Variants in RAB3IP observed in about 807,000 individuals in gnomAD.
The protein encoded by RAB3IP is rab-3A-interacting protein.
Under a neutral mutation model 59.1 loss-of-function variants are expected in RAB3IP, and 36 were observed. The observed-to-expected ratio is 0.61, with a 90% CI of 0.47 to 0.80. RAB3IP has a LOEUF of 0.80. RAB3IP is among the 30% of genes least tolerant of loss of function. The probability of loss-of-function intolerance (pLI) is 0.00; values close to 1 mark genes in which losing one functional copy is unlikely to be tolerated. For synonymous variants in RAB3IP, 207 were observed against 191.2 expected (o/e 1.08, Z -0.68); for missense variants, 511 against 536.0 (o/e 0.95, Z 0.46).
At position 69,815,579 on chromosome 12, in the gene RAB3IP, G is replaced by A; in HGVS notation, c.*133G>A. On this transcript the variant is annotated 3_prime_UTR_variant, in exon 11 of 11. Transcript: ENST00000247833. ...CCCCTTTTGCAAATTGCTCTAAGAA[G>A]TACCATGATTTCTTTTAAACTGATC... The A allele has an allele frequency of 1.7e-6, 1 of 603,922 alleles. No individual in the cohort carries two copies. Among genetic ancestry groups the A allele is most frequent in the Non-Finnish European group, 2.9e-6 (1 of 343,336 alleles). The allele number at this position is 603,922 out of a possible 1,614,324, so 37.4% of individuals were successfully genotyped here. A position where few individuals can be genotyped will look rare whatever the true frequency, so the allele number is the denominator to read the frequency against.
chr12:69,753,373 A>AT (rs1435702321), intron 1 of RAB3IP, among the ~76,000 whole-genome samples: 1 of 151,736 alleles, frequency 6.6e-6, no homozygotes, highest in Non-Finnish European at 1.5e-5. Context: ...TTTTATTTTT[A>AT]TTTTTTGAGT....
Position 69,739,010 on chromosome 12 carries a change from G to A in RAB3IP, c.-47G>A, listed in dbSNP as rs1436092210. 6.6e-6 allele frequency: 1 copy of A among 152,114 alleles called. No individual in the cohort carries two copies. The highest frequency in any genetic ancestry group is 1.9e-4 in the East Asian group (1 of 5,184). The allele number at this position is 152,114 out of a possible 1,614,324, so 9.4% of individuals were successfully genotyped here. The stretch of plus-strand genomic sequence containing the variant: ...CTGTGAGCGCCCCTGAGCGCCGGCA[G>A]CGGCCGCGGTGGGTTCTTCAGGTGA... On this transcript the variant is annotated 5_prime_UTR_variant, in exon 1 of 11. Transcript: ENST00000247833.
chr12:69,814,484 G>C (rs189607070), intron 10 of RAB3IP, among the ~76,000 whole-genome samples: 1 of 152,138 alleles, frequency 6.6e-6, no homozygotes, highest in Non-Finnish European at 1.5e-5. Context: ...TCTCGACCTT[G>C]GTACTAGTGA....
chr12:69,788,171 A>G lies in RAB3IP; in HGVS notation c.606+3356A>G, dbSNP rs536706222. 2.0e-5 allele frequency among the ~76,000 whole-genome samples: 3 copies of G among 152,220 alleles called. No individual in the cohort carries two copies. The South Asian group carries it at 6.2e-4, about 32-fold the overall frequency. On this transcript the variant is annotated intron_variant, in intron 4 of 10. Coordinates refer to ENST00000247833, the MANE Select transcript of RAB3IP (RefSeq NM_022456.5). ...AATACTGCTGATAACTCACACATCT[A>G]TTGGTCTAATATAAGATACATCTTT... is the stretch of plus-strand genomic sequence containing the variant.
chr12:69,808,367 G>C (rs1255746776), intron 8 of RAB3IP, among the ~76,000 whole-genome samples: 1 of 151,934 alleles, frequency 6.6e-6, no homozygotes, highest in Admixed American at 6.5e-5. Context: ...TGTATATTCT[G>C]TTGATTTGGG....
At chr12:69,771,285 C>T (rs1873064634) in intron 3 of RAB3IP, among the ~76,000 whole-genome samples, 1 of 152,176 alleles carries the variant, frequency 6.6e-6, no homozygotes. Context: ...AATCCCAGCA[C>T]TTTGGAAGGC....
chr12:69,805,056 G>A (rs981492145), intron 8 of RAB3IP, among the ~76,000 whole-genome samples: 4 of 152,150 alleles, frequency 2.6e-5, no homozygotes, highest in African/African-American at 9.7e-5. Context: ...GCTTGATGGG[G>A]ATGGCATTGA....
intron 6 of RAB3IP, among the ~76,000 whole-genome samples, chr12:69,797,793 G>A (rs1037468886): frequency 2.6e-5 from 4 of 151,418 alleles, no homozygotes; most frequent in African/African-American, 7.3e-5. Context: ...TTGTTCTTGC[G>A]ATAGTTTACT....
intron 4 of RAB3IP, among the ~76,000 whole-genome samples, chr12:69,788,090 A>C (rs1875991961): frequency 6.6e-6 from 1 of 152,234 alleles, no homozygotes; most frequent in Non-Finnish European, 1.5e-5. Context: ...TCTTGTTTTA[A>C]CAGTTTATTA....
chr12:69,813,111 A>G, intron 10 of RAB3IP, 78 bp downstream of exon 10: 1 of 972,248 alleles, frequency 1.0e-6, no homozygotes. Flanking sequence ...CAAAAAGTAT[A>G]GAATAGTAGT....
At chr12:69,805,123 C>G (rs912454644) in intron 8 of RAB3IP, among the ~76,000 whole-genome samples, 3 of 152,334 alleles carry the variant, frequency 2.0e-5, no homozygotes, top group Non-Finnish European at 4.4e-5. Context: ...TCTTCCTACC[C>G]ATGAGCATTG....
chr12:69,739,342 G>C (rs1565861023), intron 1 of RAB3IP: 1 of 152,536 alleles, frequency 6.6e-6, no homozygotes, highest in African/African-American at 2.4e-5. Context: ...GGGCACGGGC[G>C]CGTTACACAT....
chr12:69,813,499 T>C (rs976554848), intron 10 of RAB3IP, among the ~76,000 whole-genome samples: 2 of 152,182 alleles, frequency 1.3e-5, no homozygotes, highest in Non-Finnish European at 2.9e-5. Context: ...GTCATGAGGA[T>C]AATTCTGAAT....
intron 4 of RAB3IP, among the ~76,000 whole-genome samples, chr12:69,790,105 C>T (rs182730045): frequency 7.0e-4 from 106 of 152,114 alleles, no homozygotes; most frequent in African/African-American, 2.4e-3. Context: ...AAAAGGCAAC[C>T]AAATTGGAAA....
rs1878387830 is a variant in RAB3IP, at chr12:69,801,598, T to G, written c.1018-11T>G. 1 of 1,585,922 alleles carries G rather than the reference T, an allele frequency of 6.3e-7. No homozygotes were observed. The highest frequency in any genetic ancestry group is 1.4e-5 in the African/African-American group (1 of 73,972). ...CAGTATAGCATCTAGTACTTTTTCT[T>G]TTTTTTTAAGTTGGCTTCAGCTGTT... On this transcript the variant is annotated splice_polypyrimidine_tract_variant and intron_variant, in intron 7 of 10. Coordinates refer to ENST00000247833, the MANE Select transcript of RAB3IP (RefSeq NM_022456.5).
In RAB3IP at chr12:69,738,977, C is replaced by G. The variant is rs929791948; in HGVS notation, c.-80C>G. The G allele has an allele frequency of 6.6e-6, 1 of 152,198 alleles. No homozygotes were observed. The highest frequency in any genetic ancestry group is 1.5e-5 in the Non-Finnish European group (1 of 68,130). 9.4% of individuals were successfully genotyped at this position (152,198 alleles called of 1,614,324 possible). ...TTCTCGCTGCTTCGGGACGCGCTCT[C>G]TGCGGCTCTGTGAGCGCCCCTGAGC... On this transcript the variant is annotated 5_prime_UTR_variant, in exon 1 of 11. Transcript: ENST00000247833.
At chr12:69,807,641 CGAA>C (rs1879650880) in intron 8 of RAB3IP, among the ~76,000 whole-genome samples, 1 of 136,130 alleles carries the variant, frequency 7.3e-6, no homozygotes. Context: ...ACCTCCCAGA[CGAA>C]GGGTGGCCGG....
chr12:69,773,446 A>G (rs1018735994), intron 3 of RAB3IP, among the ~76,000 whole-genome samples: 1 of 95,842 alleles, frequency 1.0e-5, no homozygotes, highest in Non-Finnish European at 1.9e-5. Flanking sequence ...GTTTTAGGGT[A>G]CATGTGCACA....
At chr12:69,760,330 G>A (rs138402731) in intron 3 of RAB3IP, among the ~76,000 whole-genome samples, 6,067 of 152,348 alleles carry the variant, frequency 0.04, 130 homozygotes, top group Non-Finnish European at 0.048. Context: ...GATGGCAGCA[G>A]TACAGTCCAG....
Sources: gnomAD v4.1 joint callset for allele counts (sites outside exome capture counted in the v4.1 genomes callset) on GRCh38, gnomAD v4.1.1 for gene constraint, MANE v1.5 for transcripts, NCBI Gene and HGNC (gene_info 2026-07-23, HGNC 2026-07-21) for gene names.